Variants in RFX6 observed in about 807,000 individuals in gnomAD.
RFX6 encodes the protein DNA-binding protein RFX6.
RFX6 carries 50 observed loss-of-function variants against 110.8 expected under a neutral mutation model. The ratio of observed to expected loss-of-function variants is 0.45; its 90% CI spans 0.36 to 0.57. The LOEUF is 0.57. Ranked by LOEUF, RFX6 falls within the 20% of genes least tolerant of loss-of-function variation. The pLI is 0.00. For missense variants in RFX6, 990 were observed against 1,127.0 expected, an observed-to-expected ratio of 0.88 and a Z score of 1.74; for synonymous variants, 383 against 411.2, an observed-to-expected ratio of 0.93 and a Z score of 0.83.
chr6:116,903,758 T>C (rs1241784159), intron 6 of RFX6, among the ~76,000 whole-genome samples: 2 of 152,110 alleles, frequency 1.3e-5, no homozygotes, highest in East Asian at 3.8e-4. Flanking sequence ...TGTGATTCTT[T>C]AATGCTGATA....
At position 116,916,361 on chromosome 6, in the gene RFX6, G is replaced by A. The variant is rs1321372; in HGVS notation, c.972+47G>A. On this transcript the variant is annotated intron_variant, in intron 9 of 18. Coordinates refer to ENST00000332958, the MANE Select transcript of RFX6 (RefSeq NM_173560.4). ...AAACATGAGCCATTTATTTCTTTAC[G>A]TAGCATTCTATCTAAATTCTTGCAA... 337,325 of 1,031,732 alleles carry A rather than the reference G, an allele frequency of 0.33. 58,182 individuals carry two copies. Among genetic ancestry groups the A allele is most frequent in the African/African-American group, 0.45 (28,374 of 63,654 alleles). 63.9% of individuals were successfully genotyped at this position (1,031,732 alleles called of 1,614,324 possible). A position where few individuals can be genotyped will look rare whatever the true frequency, so the allele number is the denominator to read the frequency against.
At chr6:116,889,226 A>G (rs1171363467) in intron 4 of RFX6, among the ~76,000 whole-genome samples, 1 of 152,160 alleles carries the variant, frequency 6.6e-6, no homozygotes, top group African/African-American at 2.4e-5. Flanking sequence ...ATGCAATGTC[A>G]GAAGGTGGTT....
In RFX6 at chr6:116,920,435, A is replaced by T; in HGVS notation, c.1308A>T (p.Glu436Asp). 2 of 1,613,370 alleles carry T rather than the reference A, an allele frequency of 1.2e-6. No homozygotes were observed. Among genetic ancestry groups the T allele is most frequent in the Non-Finnish European group, 1.7e-6 (2 of 1,179,510 alleles). Residue 436 changes from glutamate to aspartate, a missense_variant, in exon 12 of 19, where the codon GAA becomes GAT. Coordinates refer to ENST00000332958, the MANE Select transcript of RFX6 (RefSeq NM_173560.4). ...CCATTTCAGGCAGCACAGACACTGA[A>T]TCTGGTATCTACACTGAACGTAAGT... The part of the protein sequence containing the change: ...LLTISGSTDT[E>D]SGIYTEHDSI...
At position 116,927,434 on chromosome 6, in the gene RFX6, G is replaced by T; in HGVS notation, c.2293G>T (p.Asp765Tyr). 6.2e-7 allele frequency: 1 copy of T among 1,614,174 alleles called. No individual in the cohort carries two copies. Among genetic ancestry groups the T allele is most frequent in the Non-Finnish European group, 8.5e-7 (1 of 1,180,036 alleles). ...SSYGPSLQAQ[D>Y]SHNMQFLNTG... ...CTATGGCCCATCCCTGCAAGCCCAG[G>T]ATTCACACAATATGCAGTTTTTAAA... Residue 765 changes from aspartate to tyrosine, a missense_variant, in exon 17 of 19, where the codon GAT becomes TAT. Transcript: ENST00000332958.
In RFX6 at chr6:116,880,654, C is replaced by G; in HGVS notation, c.491C>G (p.Ala164Gly). 1 of 1,613,418 alleles carries G rather than the reference C, an allele frequency of 6.2e-7. No homozygotes were observed. The highest frequency in any genetic ancestry group is 8.5e-7 in the Non-Finnish European group (1 of 1,179,474). ...GAGAAATTAGAGCCAGCCTGTGCGGCCACCTTTGGAAAGGTAAATGACACG... is the reference window on the plus strand; with the variant it reads ...GAGAAATTAGAGCCAGCCTGTGCGGGCACCTTTGGAAAGGTAAATGACACG... ...RKEKLEPACA[A>G]TFGKTIRQKF... Residue 164 changes from alanine to glycine, a missense_variant, in exon 3 of 19, where the codon GCC (alanine) becomes GGC (glycine). Ala to Gly is a moderately conservative substitution (Grantham distance 60). This residue lies in a region of RFX6 where 243 missense variants were observed against 353.1 expected (regional missense o/e 0.69). Transcript: ENST00000332958.
At chr6:116,890,363 C>A (rs1333070366) in intron 4 of RFX6, among the ~76,000 whole-genome samples, 2 of 152,116 alleles carry the variant, frequency 1.3e-5, no homozygotes, top group Non-Finnish European at 2.9e-5. Context: ...TCATGACTCA[C>A]TATCACCTGC....
At chr6:116,915,018 T>A (rs1165554427) in intron 7 of RFX6, among the ~76,000 whole-genome samples, 2 of 152,144 alleles carry the variant, frequency 1.3e-5, no homozygotes, top group Admixed American at 6.5e-5. Context: ...ATCCAGGTAA[T>A]CTGAAGGCAA....
intron 6 of RFX6, among the ~76,000 whole-genome samples, chr6:116,902,136 A>G (rs1331156182): frequency 1.3e-5 from 2 of 152,076 alleles, no homozygotes; most frequent in Non-Finnish European, 2.9e-5. Context: ...GAACAGTATA[A>G]TATTAAGAAC....
intron 6 of RFX6, among the ~76,000 whole-genome samples, chr6:116,907,484 T>C (rs1775231929): frequency 6.6e-6 from 1 of 152,160 alleles, no homozygotes; most frequent in South Asian, 2.1e-4. Context: ...AAGCCAACTC[T>C]GGGGCTTTTC....
In RFX6 at chr6:116,910,990, A is replaced by C; in HGVS notation, c.728A>C (p.Glu243Ala). 3 of 1,613,774 alleles carry C rather than the reference A, an allele frequency of 1.9e-6. No homozygotes were observed. The highest frequency in any genetic ancestry group is 2.5e-6 in the Non-Finnish European group (3 of 1,179,744). Reference protein sequence around the residue: ...LSSKTGTLLPEFPSAQHLVYQ... With the variant: ...LSSKTGTLLPAFPSAQHLVYQ... The stretch of plus-strand genomic sequence containing the variant: ...TCAAAAACTGGAACACTTCTTCCAG[A>C]ATTCCCCAGCGCTCAACACCTTGTA... Residue 243 changes from glutamate to alanine, a missense_variant, in exon 7 of 19, where the codon GAA (glutamate) becomes GCA (alanine). Glu to Ala is a moderately radical substitution (Grantham distance 107). This residue lies in a region of RFX6 where 243 missense variants were observed against 353.1 expected (regional missense o/e 0.69). Transcript: ENST00000332958.
intron 6 of RFX6, among the ~76,000 whole-genome samples, chr6:116,902,401 C>T (rs946237631): frequency 1.3e-5 from 2 of 151,742 alleles, no homozygotes; most frequent in Admixed American, 6.6e-5. Flanking sequence ...AAATAAAAAA[C>T]AGGAAAAAGA....
chr6:116,880,150 A>G (rs1461082400), intron 2 of RFX6, among the ~76,000 whole-genome samples: 2 of 152,028 alleles, frequency 1.3e-5, no homozygotes, highest in African/African-American at 4.8e-5. Context: ...GCATTTGCCA[A>G]CCTGAAGCTT....
Position 116,931,359 on chromosome 6 carries a change from T to C in RFX6, c.2640T>C (p.Ser880=), listed in dbSNP as rs1322546476. 1 of 1,613,162 alleles carries C rather than the reference T, an allele frequency of 6.2e-7. No individual in the cohort carries two copies. Among genetic ancestry groups the C allele is most frequent in the African/African-American group, 1.3e-5 (1 of 74,900 alleles). Residue 880 remains serine (S), a synonymous_variant, in exon 19 of 19, where the codon TCT becomes TCC. Transcript: ENST00000332958. ...LASSLQTPIP[S]SSSQCMYGTS... ...CCAGTTTGCAAACCCCAATTCCTTC[T>C]TCCTCATCCCAATGTATGTATGGAA...
chr6:116,905,263 T>G (rs1193818449), intron 6 of RFX6, among the ~76,000 whole-genome samples: 1 of 152,196 alleles, frequency 6.6e-6, no homozygotes, highest in Non-Finnish European at 1.5e-5. Flanking sequence ...GTATCTCATT[T>G]AGGGTTTGAT....
At position 116,922,117 on chromosome 6, in the gene RFX6, G is replaced by A; in HGVS notation, c.1403G>A (p.Trp468Ter). ...KNATVEAFIE[W>*]LDTVVEQRVI... ...GCCACTGTGGAGGCTTTTATTGAAT[G>A]GTTGGATACTGTGGTAGAACAGAGA... The change falls in exon 13 of 19, where the codon TGG becomes TAG. Residue 468 changes from tryptophan to a stop codon, truncating the protein, a stop_gained. Coordinates refer to ENST00000332958, the MANE Select transcript of RFX6 (RefSeq NM_173560.4). LOFTEE classifies it high-confidence loss of function. 1 of 1,532,182 alleles carries A rather than the reference G, an allele frequency of 6.5e-7. No individual in the cohort carries two copies. Among genetic ancestry groups the A allele is most frequent in the Non-Finnish European group, 9.0e-7 (1 of 1,106,822 alleles). 94.9% of individuals were successfully genotyped at this position (1,532,182 alleles called of 1,614,324 possible). A position where few individuals can be genotyped will look rare whatever the true frequency, so the allele number is the denominator to read the frequency against.
intron 18 of RFX6, among the ~76,000 whole-genome samples, chr6:116,929,465 T>C (rs1383770525): frequency 1.3e-5 from 2 of 152,132 alleles, no homozygotes; most frequent in Non-Finnish European, 2.9e-5. Flanking sequence ...TTATGTAAAA[T>C]GTGATTCAAC....
chr6:116,883,144 C>T (rs1303001714), intron 4 of RFX6, among the ~76,000 whole-genome samples: 2 of 152,100 alleles, frequency 1.3e-5, no homozygotes, highest in Non-Finnish European at 2.9e-5. Context: ...AGTATTTCCC[C>T]CTTTGAGCTG....
intron 14 of RFX6, 159 bp downstream of exon 14, chr6:116,923,383 G>C: frequency 1.6e-6 from 1 of 636,138 alleles, no homozygotes; most frequent in South Asian, 1.8e-5. Context: ...CTGGGTTTTG[G>C]AGTCAGACCA....
rs1376314345 is a variant in RFX6, at chr6:116,877,891, A to G, written c.319A>G (p.Lys107Glu). The G allele has an allele frequency of 1.9e-6, 3 of 1,614,068 alleles. No homozygotes were observed. In the African/African-American group the frequency reaches 4.0e-5, roughly 22 times the overall value. ...TKAADQYLSQ[K>E]KTITQIVKDK... ...AGCAGCGGATCAATACCTGTCTCAGAAGAAAACCATCACGCAGATTGTGAA... is the reference window on the plus strand; with the variant it reads ...AGCAGCGGATCAATACCTGTCTCAGGAGAAAACCATCACGCAGATTGTGAA... Residue 107 changes from lysine (K) to glutamate (E), a missense_variant, in exon 2 of 19, where the codon AAG (lysine) becomes GAG (glutamate). By Grantham distance (56) the Lys-to-Glu change is moderately conservative (BLOSUM62 1). Coordinates refer to ENST00000332958, the MANE Select transcript of RFX6 (RefSeq NM_173560.4).
Sources: allele counts gnomAD v4.1 joint callset (sites outside exome capture counted in the v4.1 genomes callset), GRCh38; gene constraint gnomAD v4.1.1; regional missense constraint gnomAD v4.1.1; transcripts MANE v1.5; gene names NCBI Gene and HGNC (gene_info 2026-07-23, HGNC 2026-07-21).